PCDHA11: variants seen among roughly 807,000 people sequenced by gnomAD.
PCDHA11 encodes the protein protocadherin alpha-11.
PCDHA11 carries 61 observed loss-of-function variants against 70.3 expected under a neutral mutation model. The observed-to-expected ratio is 0.87, with a 90% CI of 0.71 to 1.07. The LOEUF is 1.07. Ranked by LOEUF, PCDHA11 falls within the 50% of genes least tolerant of loss-of-function variation. The pLI, the probability that PCDHA11 is intolerant of heterozygous loss-of-function variation, is 0.00. For synonymous variants in PCDHA11, 633 were observed against 555.1 expected (o/e 1.14, Z -1.97); for missense variants, 1,324 against 1,237.5 (o/e 1.07, Z -1.05).
intron 1 of PCDHA11, chr5:140,875,560 C>G: frequency 6.2e-7 from 1 of 1,614,124 alleles, no homozygotes; most frequent in Non-Finnish European, 8.5e-7. Context: ...GGGGAGCGGC[C>G]AGCTCCACTA....
chr5:140,968,401 C>A, intron 1 of PCDHA11: 4 of 1,613,984 alleles, frequency 2.5e-6, no homozygotes, highest in Non-Finnish European at 2.5e-6. Context: ...TTCGGGAGTT[C>A]TTTGTGACTG....
chr5:140,987,850 A>G lies in PCDHA11; in HGVS notation c.2539+5287A>G, dbSNP rs115051779. Among the ~76,000 whole-genome samples, 1,266 of 152,242 alleles carry G rather than the reference A, an allele frequency of 8.3e-3. 21 individuals are homozygous for G. Among genetic ancestry groups the G allele is most frequent in the African/African-American group, 0.028 (1,145 of 41,532 alleles). On this transcript the variant is annotated intron_variant, in intron 3 of 3. Coordinates refer to ENST00000398640, the MANE Select transcript of PCDHA11 (RefSeq NM_018902.5). ...GGGATTGCTTTTGCCCTGATTTGCCACATCTCTTTACTCTGTGGAAAATGG... is the reference window on the plus strand; with the variant it reads ...GGGATTGCTTTTGCCCTGATTTGCCGCATCTCTTTACTCTGTGGAAAATGG...
At chr5:140,935,127 T>C (rs1223390448) in intron 1 of PCDHA11, among the ~76,000 whole-genome samples, 1 of 152,170 alleles carries the variant, frequency 6.6e-6, no homozygotes, top group Non-Finnish European at 1.5e-5. Flanking sequence ...TTATTTTTAG[T>C]GAAAGATGAT....
chr5:140,966,449 C>CT (rs1737219736), intron 1 of PCDHA11: 1 of 425,908 alleles, frequency 2.3e-6, no homozygotes, highest in South Asian at 9.0e-5. Context: ...CCCTTTCCCC[C>CT]TCCCCCTCTG....
intron 1 of PCDHA11, chr5:140,882,401 G>A (rs899488409): frequency 4.0e-5 from 65 of 1,614,046 alleles, no homozygotes; most frequent in Non-Finnish European, 5.3e-5. Context: ...CGGCACCTTC[G>A]TGGGCCGCAT....
Position 140,869,050 on chromosome 5 carries a change from A to T in PCDHA11, c.-54A>T. 2 of 1,533,074 alleles carry T rather than the reference A, an allele frequency of 1.3e-6. No individual in the cohort carries two copies. Among genetic ancestry groups the T allele is most frequent in the South Asian group, 2.6e-5 (2 of 76,714 alleles). The allele number at this position is 1,533,074 out of a possible 1,614,324, so 95.0% of individuals were successfully genotyped here. ...CGAGATTTTTAACCTGAAACTGAAG[A>T]ATCTGGTACTGTAAGTGTAAAGAAG... is the stretch of plus-strand genomic sequence containing the variant. On this transcript the variant is annotated 5_prime_UTR_variant, in exon 1 of 4. Transcript: ENST00000398640.
chr5:140,985,716 A>G (rs960879186), intron 3 of PCDHA11, among the ~76,000 whole-genome samples: 7 of 113,758 alleles, frequency 6.2e-5, no homozygotes, highest in Admixed American at 2.6e-4. Flanking sequence ...TCTTAAAGTT[A>G]TTTTTCCTTC....
rs1310704954 is a variant in PCDHA11, at chr5:141,010,062, A to C, written c.*125A>C. 1.2e-6 allele frequency: 2 copies of C among 1,602,540 alleles called. No homozygotes were observed. The highest frequency in any genetic ancestry group is 1.7e-6 in the Non-Finnish European group (2 of 1,174,354). Reference sequence around the variant, plus strand: ...CCTCTTAGAGACCTCAGAAATCTGCAGAAAGTTCCCTGTGTCTGTCTAGAA... The same window carrying C: ...CCTCTTAGAGACCTCAGAAATCTGCCGAAAGTTCCCTGTGTCTGTCTAGAA... On this transcript the variant is annotated 3_prime_UTR_variant, in exon 4 of 4. Transcript: ENST00000398640.
At chr5:140,954,832 A>G (rs2095096599) in intron 1 of PCDHA11, among the ~76,000 whole-genome samples, 1 of 152,208 alleles carries the variant, frequency 6.6e-6, no homozygotes, top group Admixed American at 6.5e-5. Flanking sequence ...CACTTTTGTC[A>G]TGAAATCTTT....
chr5:140,872,850 G>A (rs1439631581), intron 1 of PCDHA11, among the ~76,000 whole-genome samples: 2 of 152,084 alleles, frequency 1.3e-5, no homozygotes, highest in East Asian at 3.8e-4. Context: ...ATATATTAAT[G>A]TGAGTACCTA....
chr5:140,907,932 A>T (rs1291390398), intron 1 of PCDHA11, among the ~76,000 whole-genome samples: 1 of 152,202 alleles, frequency 6.6e-6, no homozygotes, highest in Non-Finnish European at 1.5e-5. Context: ...GTCCATTCAC[A>T]TACCTTTTCC....
At position 140,870,029 on chromosome 5, in the gene PCDHA11, A is replaced by T. The variant is rs1201766971; in HGVS notation, c.926A>T (p.Tyr309Phe). 4 of 1,613,792 alleles carry T rather than the reference A, an allele frequency of 2.5e-6. No homozygotes were observed. The highest frequency in any genetic ancestry group is 3.4e-6 in the Non-Finnish European group (4 of 1,179,894). The change falls in exon 1 of 4, where the codon TAT becomes TTT. Residue 309 changes from tyrosine (Y) to phenylalanine (F), a missense_variant. Coordinates refer to ENST00000398640, the MANE Select transcript of PCDHA11 (RefSeq NM_018902.5). ...GEVRVNGTLD[Y>F]EENKFYKIEV... ...GTGAGGGTCAATGGAACTTTAGATT[A>T]TGAAGAAAACAAGTTTTATAAAATT...
chr5:140,875,426 A>G, intron 1 of PCDHA11: 1 of 1,532,482 alleles, frequency 6.5e-7, no homozygotes, highest in Non-Finnish European at 8.7e-7. Context: ...CAGGCAAGCG[A>G]TCCCTTAAAA....
At chr5:140,883,471 C>G (rs781812025) in intron 1 of PCDHA11, 4 of 1,614,182 alleles carry the variant, frequency 2.5e-6, no homozygotes, top group Non-Finnish European at 3.4e-6. Flanking sequence ...TGTCCACCTA[C>G]AAGAACTACT....
intron 1 of PCDHA11, among the ~76,000 whole-genome samples, chr5:140,973,778 T>C (rs910410874): frequency 3.9e-5 from 6 of 152,256 alleles, no homozygotes; most frequent in African/African-American, 1.4e-4. Context: ...ATATTATAGG[T>C]TGCCTATTGG....
intron 1 of PCDHA11, among the ~76,000 whole-genome samples, chr5:140,924,989 C>T (rs782768303): frequency 7.9e-5 from 12 of 151,328 alleles, no homozygotes; most frequent in Admixed American, 1.3e-4. Context: ...GTCTGTAATC[C>T]TAGCACTTTA....
At chr5:140,877,958 C>A in intron 1 of PCDHA11, 1 of 1,319,110 alleles carries the variant, frequency 7.6e-7, no homozygotes, top group Non-Finnish European at 1.0e-6. Flanking sequence ...AATGTCTCAT[C>A]TTTCTTGGTC....
intron 1 of PCDHA11, among the ~76,000 whole-genome samples, chr5:140,897,090 C>G (rs1420408825): frequency 6.6e-6 from 1 of 151,950 alleles, no homozygotes; most frequent in Non-Finnish European, 1.5e-5. Context: ...ATTTTTTATC[C>G]TCATTAAAAA....
intron 1 of PCDHA11, among the ~76,000 whole-genome samples, chr5:140,943,562 T>G (rs246066): frequency 0.58 from 88,255 of 152,018 alleles, 26,572 homozygotes; most frequent in African/African-American, 0.75. Flanking sequence ...ACAATAATCA[T>G]TTTAATTTGT....
Sources: gnomAD v4.1 joint callset for allele counts (sites outside exome capture counted in the v4.1 genomes callset) on GRCh38, gnomAD v4.1.1 for gene constraint, MANE v1.5 for transcripts, NCBI Gene and HGNC (gene_info 2026-07-23, HGNC 2026-07-21) for gene names.